PDE8B: variants seen among roughly 807,000 people sequenced by gnomAD.
PDE8B encodes the protein phosphodiesterase 8B.
A neutral mutation model predicts 101.3 loss-of-function variants in PDE8B; 26 were observed. That is an observed-to-expected ratio of 0.26 (90% confidence interval 0.19 to 0.36). The LOEUF is 0.36. PDE8B is among the 10% of genes least tolerant of loss of function. The pLI is 1.00. For missense variants in PDE8B, 810 were observed against 1,163.1 expected (o/e 0.70, Z 4.42); for synonymous variants, 424 against 429.3 (o/e 0.99, Z 0.15).
At chr5:77,165,922 C>T in the PDE8B span, among the ~76,000 whole-genome samples, 5 of 144,210 alleles carry the variant, frequency 3.5e-5, no homozygotes, top group Admixed American at 2.2e-4. Context: ...AGAAGAATCA[C>T]GAACCCAGGA....
chr5:77,321,655 G>C (rs565979856), intron 2 of PDE8B, among the ~76,000 whole-genome samples: 1 of 152,124 alleles, frequency 6.6e-6, no homozygotes, highest in East Asian at 1.9e-4. Flanking sequence ...ATTTTTAAAA[G>C]GTGATTACTA....
intron 10 of PDE8B, among the ~76,000 whole-genome samples, chr5:77,396,334 C>T (rs751265262): frequency 6.6e-6 from 1 of 152,220 alleles, no homozygotes; most frequent in African/African-American, 2.4e-5. Flanking sequence ...GATCTGAGCT[C>T]AGACAGACCC....
intron 10 of PDE8B, among the ~76,000 whole-genome samples, chr5:77,387,603 T>A (rs1789002689): frequency 6.6e-6 from 1 of 152,198 alleles, no homozygotes; most frequent in Non-Finnish European, 1.5e-5. Context: ...CTGTAATTCC[T>A]GAATTTGAAT....
chr5:77,208,838 G>A (rs954067385), upstream of PDE8B, among the ~76,000 whole-genome samples: 5 of 152,160 alleles, frequency 3.3e-5, no homozygotes, highest in Non-Finnish European at 7.3e-5. Context: ...CCATGCTGGG[G>A]TATAAAGGCC....
chr5:77,425,961 G>GAC, intron 21 of PDE8B, 65 bp downstream of exon 21: 2 of 1,476,904 alleles, frequency 1.4e-6, no homozygotes, highest in Non-Finnish European at 1.9e-6. Context: ...TATCTTTAGT[G>GAC]ACACAGGGTG....
chr5:77,229,124 C>G (rs1012187921), intron 1 of PDE8B, among the ~76,000 whole-genome samples: 6 of 152,128 alleles, frequency 3.9e-5, no homozygotes, highest in Non-Finnish European at 5.9e-5. Flanking sequence ...GATAGGAGAG[C>G]CCAACTCAAA....
At chr5:77,361,666 T>C (rs959637469) in intron 10 of PDE8B, among the ~76,000 whole-genome samples, 2 of 151,928 alleles carry the variant, frequency 1.3e-5, no homozygotes, top group African/African-American at 4.8e-5. Context: ...AGGCGCCCGC[T>C]ACCTCACCCA....
At chr5:77,348,503 G>A (rs1780536526) in intron 7 of PDE8B, among the ~76,000 whole-genome samples, 1 of 152,120 alleles carries the variant, frequency 6.6e-6, no homozygotes, top group African/African-American at 2.4e-5. Flanking sequence ...AGCACTGAAA[G>A]GGCTGCCTCC....
the PDE8B span, among the ~76,000 whole-genome samples, chr5:77,133,912 C>T: frequency 6.6e-6 from 1 of 152,236 alleles, no homozygotes; most frequent in Middle Eastern, 3.4e-3. Flanking sequence ...CTATATTGGG[C>T]CTTCTGTCCT....
chr5:77,389,475 G>A (rs180857579), intron 10 of PDE8B, among the ~76,000 whole-genome samples: 2,008 of 151,620 alleles, frequency 0.013, 47 homozygotes, highest in African/African-American at 0.046. Flanking sequence ...TGCCTTCTGC[G>A]GCGATCTCTC....
the PDE8B span, among the ~76,000 whole-genome samples, chr5:77,154,720 A>T: frequency 6.6e-6 from 1 of 152,218 alleles, no homozygotes; most frequent in Non-Finnish European, 1.5e-5. Flanking sequence ...ACATAGGTCA[A>T]CTAACCCGGT....
the PDE8B span, among the ~76,000 whole-genome samples, chr5:77,158,997 C>G: frequency 6.6e-6 from 1 of 152,180 alleles, no homozygotes; most frequent in Non-Finnish European, 1.5e-5. Flanking sequence ...CCTCCTTGCC[C>G]TCTGTGGTAA....
chr5:77,129,071 T>C, the PDE8B span, among the ~76,000 whole-genome samples: 4 of 152,324 alleles, frequency 2.6e-5, no homozygotes, highest in East Asian at 7.7e-4. Context: ...TCTGTTCAGT[T>C]ATTAGGTCTG....
chr5:77,407,237 AG>A, intron 12 of PDE8B, 143 bp from the exon 13 acceptor site: 1 of 725,444 alleles, frequency 1.4e-6, no homozygotes, highest in Non-Finnish European at 2.5e-6. Context: ...CAGCCTTGGC[AG>A]AAGAGATGGG....
the PDE8B span, among the ~76,000 whole-genome samples, chr5:77,164,228 C>T: frequency 6.6e-6 from 1 of 152,190 alleles, no homozygotes; most frequent in Non-Finnish European, 1.5e-5. Flanking sequence ...AGCTCTTTTA[C>T]AAACTAGCCA....
At chr5:77,214,945 G>C (rs1749333628) in intron 1 of PDE8B, among the ~76,000 whole-genome samples, 1 of 152,150 alleles carries the variant, frequency 6.6e-6, no homozygotes, top group Non-Finnish European at 1.5e-5. Flanking sequence ...TTATCTGTCT[G>C]TTGACCAGGC....
intron 1 of PDE8B, among the ~76,000 whole-genome samples, chr5:77,264,737 TG>T (rs1369726394): frequency 1.3e-5 from 2 of 152,174 alleles, no homozygotes; most frequent in Non-Finnish European, 2.9e-5. Flanking sequence ...CATATTTATC[TG>T]GAAAGGAATC....
intron 1 of PDE8B, among the ~76,000 whole-genome samples, chr5:77,234,373 C>T (rs906272124): frequency 2.6e-5 from 4 of 152,108 alleles, no homozygotes; most frequent in African/African-American, 9.7e-5. Context: ...TCTCCCTACT[C>T]ACCCTCACCC....
At chr5:77,388,369 C>T (rs751961433) in intron 10 of PDE8B, among the ~76,000 whole-genome samples, 8 of 152,176 alleles carry the variant, frequency 5.3e-5, no homozygotes, top group Admixed American at 1.3e-4. Context: ...GATCCACTCC[C>T]GACACTGTTT....
Sources: allele counts gnomAD v4.1 joint callset (sites outside exome capture counted in the v4.1 genomes callset), GRCh38; gene constraint gnomAD v4.1.1; transcripts MANE v1.5; gene names NCBI Gene and HGNC (gene_info 2026-07-23, HGNC 2026-07-21).